ZFHX3: variants seen among roughly 807,000 people sequenced by gnomAD.
ZFHX3 encodes the protein zinc finger homeobox 3.
In ZFHX3, 42 loss-of-function variants were observed where a neutral mutation model predicts 279.1. The ratio of observed to expected loss-of-function variants is 0.15; its 90% CI spans 0.12 to 0.19. The LOEUF (loss-of-function observed/expected upper bound fraction) is 0.19. Ranked by LOEUF, ZFHX3 falls within the 10% of genes least tolerant of loss-of-function variation. The probability of loss-of-function intolerance (pLI) is 1.00; values close to 1 mark genes in which losing one functional copy is unlikely to be tolerated. For missense variants in ZFHX3, 4,981 were observed against 4,754.0 expected (o/e 1.05, Z -1.40); for synonymous variants, 2,293 against 1,957.8 (o/e 1.17, Z -4.52).
At chr16:73,792,219 A>G (rs1959845803) in intron 1 of ZFHX3, among the ~76,000 whole-genome samples, 1 of 152,252 alleles carries the variant, frequency 6.6e-6, no homozygotes, top group South Asian at 2.1e-4. Context: ...GATCTATTTT[A>G]TGTATTCACC....
intron 1 of ZFHX3, among the ~76,000 whole-genome samples, chr16:72,991,584 G>A (rs760602578): frequency 6.6e-6 from 1 of 152,096 alleles, no homozygotes; most frequent in Non-Finnish European, 1.5e-5. Flanking sequence ...TGCTTAATAG[G>A]GGTTAGCTAT....
chr16:73,122,774 C>T (rs1252734372), intron 7 of ZFHX3, among the ~76,000 whole-genome samples: 3 of 152,176 alleles, frequency 2.0e-5, no homozygotes, highest in Admixed American at 2.0e-4. Flanking sequence ...GGAAGCAAGA[C>T]TTCTCCTTCG....
chr16:73,483,530 G>A (rs2018911518), intron 2 of ZFHX3: 1 of 366,208 alleles, frequency 2.7e-6, no homozygotes, highest in Non-Finnish European at 5.3e-6. Flanking sequence ...GTAGCTCCGC[G>A]TTCTCATTTC....
rs571003163 is a variant in ZFHX3, at chr16:73,630,679, GA to G, written c.-1547+49500del. ...TGTGACATAAGAGAACAACAGTCAG[GA>G]AACAGGACGTTCAGCTGGCGTTTCA... On this transcript the variant is annotated intron_variant, in intron 2 of 17. Coordinates refer to the ZFHX3 transcript ENST00000641206. 5.6e-4 allele frequency among the ~76,000 whole-genome samples: 86 copies of G among 152,320 alleles called. 1 individual carries two copies. The highest frequency in any genetic ancestry group is 2.0e-3 in the African/African-American group (84 of 41,564).
chr16:73,599,128 C>T (rs2052084307), intron 2 of ZFHX3, among the ~76,000 whole-genome samples: 1 of 152,198 alleles, frequency 6.6e-6, no homozygotes, highest in Non-Finnish European at 1.5e-5. Context: ...TGAGTTTGTT[C>T]TCTGTGATCT....
At chr16:73,486,087 C>T (rs1220910695) in intron 2 of ZFHX3, among the ~76,000 whole-genome samples, 1 of 152,142 alleles carries the variant, frequency 6.6e-6, no homozygotes, top group Non-Finnish European at 1.5e-5. Flanking sequence ...TAATTGAGGG[C>T]CTAAAGTATT....
At chr16:73,563,722 G>A (rs111925244) in intron 2 of ZFHX3, among the ~76,000 whole-genome samples, 10 of 152,098 alleles carry the variant, frequency 6.6e-5, no homozygotes, top group African/African-American at 2.4e-4. Flanking sequence ...AATGCAGAAG[G>A]AAACTGATTA....
chr16:73,100,796 T>C (rs1392565003), intron 7 of ZFHX3, among the ~76,000 whole-genome samples: 3 of 152,078 alleles, frequency 2.0e-5, no homozygotes, highest in Non-Finnish European at 4.4e-5. Flanking sequence ...GGGGTTTCAC[T>C]ATGTTGGCCA....
chr16:73,682,022 G>A (rs910164143), intron 1 of ZFHX3, among the ~76,000 whole-genome samples: 1 of 149,460 alleles, frequency 6.7e-6, no homozygotes, highest in Admixed American at 6.6e-5. Flanking sequence ...TTAACGGAAT[G>A]TCTGACGCAT....
chr16:72,860,844 G>C (rs143365061), intron 4 of ZFHX3, among the ~76,000 whole-genome samples: 1 of 152,132 alleles, frequency 6.6e-6, no homozygotes, highest in Non-Finnish European at 1.5e-5. Context: ...GTCCTTTCTC[G>C]ATCTTTGCGC....
At chr16:73,124,381 A>G (rs927062465) in intron 7 of ZFHX3, among the ~76,000 whole-genome samples, 28 of 152,086 alleles carry the variant, frequency 1.8e-4, no homozygotes, top group African/African-American at 6.8e-4. Context: ...TAAGATCACT[A>G]ATTCCATTCA....
At position 73,804,050 on chromosome 16, in the gene ZFHX3, G is replaced by A. The variant is rs374578386; in HGVS notation, c.-1608+87601C>T. Among the ~76,000 whole-genome samples the A allele has an allele frequency of 2.6e-4, 39 of 152,244 alleles. No homozygotes were observed. In the East Asian group the frequency reaches 5.8e-3, roughly 23 times the overall value. On this transcript the variant is annotated intron_variant, in intron 1 of 17. Transcript: ENST00000641206. ...CACACATCTGTAGCCCTAGCAACTC[G>A]GGAGGATGAGGTGGGAAGATCACTT...
intron 1 of ZFHX3, among the ~76,000 whole-genome samples, chr16:73,885,895 T>G (rs930143657): frequency 1.3e-5 from 2 of 152,174 alleles, no homozygotes; most frequent in Non-Finnish European, 2.9e-5. Flanking sequence ...AGTACCCCCC[T>G]GACTGAGGGA....
At chr16:73,560,725 AAG>A (rs1326723234) in intron 2 of ZFHX3, among the ~76,000 whole-genome samples, 41 of 152,356 alleles carry the variant, frequency 2.7e-4, no homozygotes, top group Admixed American at 1.3e-3. Context: ...ATTTAAAGAT[AAG>A]ATCTCCATAA....
rs1330794696 is a variant in ZFHX3 at position 72,797,701 on chromosome 16, T to C, written c.4981A>G (p.Asn1661Asp). 7 of 1,613,996 alleles carry C rather than the reference T, an allele frequency of 4.3e-6. No individual in the cohort carries two copies. Among genetic ancestry groups the C allele is most frequent in the Non-Finnish European group, 5.9e-6 (7 of 1,180,028 alleles). The change falls in exon 9 of 10, where the codon AAC (asparagine) becomes GAC (aspartate). Residue 1661 changes from asparagine (N) to aspartate (D), a missense_variant. Coordinates refer to ENST00000268489, the MANE Select transcript of ZFHX3 (RefSeq NM_006885.4). The stretch of plus-strand genomic sequence containing the variant: ...CTTGGATTGGAGGTGGTAAAGGTGT[T>C]ACTGCCACTGGTGCTCACAGGACTT... ...TPSPVSTSGS[N>D]TFTTSNPSSA...
chr16:73,576,821 A>G (rs1053314412), intron 2 of ZFHX3, among the ~76,000 whole-genome samples: 7 of 152,220 alleles, frequency 4.6e-5, no homozygotes, highest in African/African-American at 1.7e-4. Context: ...TTCGTCACCC[A>G]GGTACTAAGC....
intron 1 of ZFHX3, among the ~76,000 whole-genome samples, chr16:73,745,550 G>T (rs2053696053): frequency 1.3e-5 from 2 of 152,120 alleles, no homozygotes; most frequent in Non-Finnish European, 2.9e-5. Flanking sequence ...CTCCCTTGAA[G>T]GCATTAAAAT....
intron 2 of ZFHX3, among the ~76,000 whole-genome samples, chr16:73,532,109 AC>A (rs1169464502): frequency 6.6e-6 from 1 of 151,982 alleles, no homozygotes; most frequent in East Asian, 1.9e-4. Flanking sequence ...AAAAAAAAAA[AC>A]AAAGACAGAA....
intron 1 of ZFHX3, among the ~76,000 whole-genome samples, chr16:73,032,190 G>C (rs1028168946): frequency 1.3e-5 from 2 of 152,042 alleles, no homozygotes; most frequent in Non-Finnish European, 2.9e-5. Context: ...CGAGCTACTC[G>C]GGTTGCGGGA....
Sources: gnomAD v4.1 joint callset for allele counts (sites outside exome capture counted in the v4.1 genomes callset) on GRCh38, gnomAD v4.1.1 for gene constraint, MANE v1.5 for transcripts, NCBI Gene and HGNC (gene_info 2026-07-23, HGNC 2026-07-21) for gene names.